C12orf60: variants seen among roughly 807,000 people sequenced by gnomAD.
C12orf60 encodes chromosome 12 open reading frame 60.
For synonymous variants in C12orf60, 102 were observed against 94.6 expected, an observed-to-expected ratio of 1.08 and a Z score of -0.45; for missense variants, 284 against 283.2, an observed-to-expected ratio of 1.00 and a Z score of -0.02.
At chr12:14,821,312 T>C (rs959463309) in intron 1 of C12orf60, among the ~76,000 whole-genome samples, 30 of 152,244 alleles carry the variant, frequency 2.0e-4, no homozygotes, top group African/African-American at 7.2e-4. Context: ...ACAACAGAAA[T>C]GTACCCTCTC....
chr12:14,803,820 G>C, intron 1 of C12orf60, 69 bp downstream of exon 1: 1 of 239,240 alleles, frequency 4.2e-6, no homozygotes, highest in East Asian at 8.2e-5. Context: ...CTGTCTTTTG[G>C]AATTACCTTA....
At chr12:14,817,184 A>G (rs1950234484) in intron 1 of C12orf60, among the ~76,000 whole-genome samples, 1 of 152,010 alleles carries the variant, frequency 6.6e-6, no homozygotes, top group South Asian at 2.1e-4. Context: ...CTTCTGTTTT[A>G]TGGTTTTATA....
chr12:14,817,258 A>C (rs1950236665), intron 1 of C12orf60, among the ~76,000 whole-genome samples: 1 of 152,128 alleles, frequency 6.6e-6, no homozygotes, highest in Non-Finnish European at 1.5e-5. Flanking sequence ...ATCAAGGTTT[A>C]TGTTTTTGCA....
intron 1 of C12orf60, among the ~76,000 whole-genome samples, chr12:14,811,059 A>G (rs936251661): frequency 6.6e-5 from 10 of 152,220 alleles, no homozygotes; most frequent in Non-Finnish European, 8.8e-5. Flanking sequence ...ACCAACAGCA[A>G]GTGGTATATT....
chr12:14,813,140 T>G (rs998383040), intron 1 of C12orf60, among the ~76,000 whole-genome samples: 9 of 152,358 alleles, frequency 5.9e-5, no homozygotes, highest in African/African-American at 2.2e-4. Flanking sequence ...TTATTGTCTC[T>G]ACTTCTGTGT....
At chr12:14,809,779 A>G (rs1339662655) in intron 1 of C12orf60, among the ~76,000 whole-genome samples, 2 of 152,212 alleles carry the variant, frequency 1.3e-5, no homozygotes, top group Non-Finnish European at 2.9e-5. Context: ...AACTGAAAAC[A>G]AGCTGGAGAG....
chr12:14,823,189 C>G lies in C12orf60; in HGVS notation c.254C>G (p.Ser85Cys). The G allele has an allele frequency of 6.2e-7, 1 of 1,614,090 alleles. No individual in the cohort carries two copies. The highest frequency in any genetic ancestry group is 8.5e-7 in the Non-Finnish European group (1 of 1,180,020). The change falls in exon 2 of 2, where the codon TCT becomes TGT. Residue 85 changes from serine to cysteine, a missense_variant. Coordinates refer to ENST00000330828, the MANE Select transcript of C12orf60 (RefSeq NM_175874.4). The stretch of plus-strand genomic sequence containing the variant: ...AGACATGACAAAATTCAAAAGGAGT[C>G]TTTATGTTCCAAGGTTGCAATGGCC... ...DARHDKIQKE[S>C]LCSKVAMAMC... is the part of the protein sequence containing the mutation.
intron 1 of C12orf60, among the ~76,000 whole-genome samples, chr12:14,818,565 G>A (rs527285815): frequency 6.6e-6 from 1 of 152,292 alleles, no homozygotes; most frequent in East Asian, 1.9e-4. Context: ...CAGATCATGA[G>A]GTCAGGAGAT....
At chr12:14,808,159 T>C (rs1950081731) in intron 1 of C12orf60, among the ~76,000 whole-genome samples, 2 of 147,574 alleles carry the variant, frequency 1.4e-5, no homozygotes, top group South Asian at 4.2e-4. Context: ...AGCGAGACTT[T>C]GTCTCAAAAA....
chr12:14,822,806 C>T, intron 1 of C12orf60, 106 bp from the exon 2 acceptor site: 1 of 926,316 alleles, frequency 1.1e-6, no homozygotes, highest in Non-Finnish European at 1.6e-6. Context: ...AGCTTTCCTG[C>T]CCTTGGCAGG....
intron 1 of C12orf60, among the ~76,000 whole-genome samples, chr12:14,807,802 A>G (rs1175655718): frequency 6.6e-6 from 1 of 152,228 alleles, no homozygotes; most frequent in Non-Finnish European, 1.5e-5. Context: ...TCTAAATAGT[A>G]TCGCACTTGG....
At position 14,823,760 on chromosome 12, in the gene C12orf60, A is replaced by C; in HGVS notation, c.*87A>C. The stretch of plus-strand genomic sequence containing the variant: ...GTAGTTTCTAAGATCTTTTGGTGCC[A>C]AACATGTGCTATGTTAGAACATAAG... On this transcript the variant is annotated 3_prime_UTR_variant, in exon 2 of 2. Coordinates refer to ENST00000330828, the MANE Select transcript of C12orf60 (RefSeq NM_175874.4). 1 of 1,274,932 alleles carries C rather than the reference A, an allele frequency of 7.8e-7. No individual in the cohort carries two copies. The highest frequency in any genetic ancestry group is 1.1e-6 in the Non-Finnish European group (1 of 942,894). The allele number at this position is 1,274,932 out of a possible 1,614,324, so 79.0% of individuals were successfully genotyped here.
At chr12:14,819,113 GAC>G (rs1300022085) in intron 1 of C12orf60, among the ~76,000 whole-genome samples, 1 of 152,058 alleles carries the variant, frequency 6.6e-6, no homozygotes, top group African/African-American at 2.4e-5. Flanking sequence ...CCAATCCATG[GAC>G]AGAGTTTGAG....
rs1373050267 is a variant in C12orf60 at position 14,817,701 on chromosome 12, G to A, written c.-24-5211G>A. ...CTGCATGGTATTCCATGGTGTATATGTAACACATTTTCTTTATGCAGTCTA... is the reference window on the plus strand; with the variant it reads ...CTGCATGGTATTCCATGGTGTATATATAACACATTTTCTTTATGCAGTCTA... On this transcript the variant is annotated intron_variant, in intron 1 of 1. Transcript: ENST00000330828. Among the ~76,000 whole-genome samples, 3 of 152,156 alleles carry A rather than the reference G, an allele frequency of 2.0e-5. No homozygotes were observed. In the East Asian group the frequency reaches 5.8e-4, roughly 29 times the overall value.
chr12:14,814,146 C>T (rs551586422), intron 1 of C12orf60: 13 of 152,248 alleles, frequency 8.5e-5, no homozygotes, highest in South Asian at 6.2e-4. Flanking sequence ...TTCTGAGTTC[C>T]GTGGTCCTAG....
intron 1 of C12orf60, among the ~76,000 whole-genome samples, chr12:14,817,332 T>C (rs948753395): frequency 4.6e-5 from 7 of 152,230 alleles, no homozygotes; most frequent in African/African-American, 1.7e-4. Flanking sequence ...TTTTTGTTGT[T>C]GTTCTTTCTT....
chr12:14,817,751 T>C (rs928466425), intron 1 of C12orf60, among the ~76,000 whole-genome samples: 3 of 152,140 alleles, frequency 2.0e-5, no homozygotes, highest in African/African-American at 7.2e-5. Context: ...TTGGGTTGGT[T>C]CCATGTCTTT....
intron 1 of C12orf60, among the ~76,000 whole-genome samples, chr12:14,812,211 G>A (rs543068960): frequency 1.3e-5 from 2 of 152,200 alleles, no homozygotes; most frequent in African/African-American, 2.4e-5. Flanking sequence ...TTGGGAGGCC[G>A]AGGCGGGCGG....
At chr12:14,813,106 A>G (rs1444324335) in intron 1 of C12orf60, among the ~76,000 whole-genome samples, 1 of 152,238 alleles carries the variant, frequency 6.6e-6, no homozygotes, top group African/African-American at 2.4e-5. Flanking sequence ...AAGCTGAGTT[A>G]TGGGTACATG....
Sources: gnomAD v4.1 joint callset for allele counts (sites outside exome capture counted in the v4.1 genomes callset) on GRCh38, gnomAD v4.1.1 for gene constraint, MANE v1.5 for transcripts, NCBI Gene and HGNC (gene_info 2026-07-23, HGNC 2026-07-21) for gene names.